The following PTPRM variants were observed in gnomAD, a reference collection of about 807,000 sequenced individuals.
PTPRM encodes receptor-type tyrosine-protein phosphatase mu.
A neutral mutation model predicts 186.7 loss-of-function variants in PTPRM; 47 were observed. That is an observed-to-expected ratio of 0.25 (90% CI 0.20 to 0.32). The LOEUF (loss-of-function observed/expected upper bound fraction) is 0.32. PTPRM is among the 10% of genes least tolerant of loss of function. The pLI is 1.00. For synonymous variants in PTPRM, 668 were observed against 674.9 expected, an observed-to-expected ratio of 0.99 and a Z score of 0.16; for missense variants, 1,494 against 1,865.0, an observed-to-expected ratio of 0.80 and a Z score of 3.66.
At chr18:8,106,019 G>T (rs1419529754) in intron 11 of PTPRM, among the ~76,000 whole-genome samples, 1 of 152,124 alleles carries the variant, frequency 6.6e-6, no homozygotes, top group Non-Finnish European at 1.5e-5. Context: ...TTCTTTCCCG[G>T]CCCACCCTCA....
intron 2 of PTPRM, among the ~76,000 whole-genome samples, chr18:7,803,255 G>T (rs551247939): frequency 1.7e-4 from 26 of 152,326 alleles, no homozygotes; most frequent in Admixed American, 1.4e-3. Context: ...GGTTGGCAGG[G>T]CTGCATTGCT....
At chr18:7,676,461 A>G (rs1223214579) in intron 1 of PTPRM, among the ~76,000 whole-genome samples, 1 of 152,150 alleles carries the variant, frequency 6.6e-6, no homozygotes. Flanking sequence ...ACAGCTGTAA[A>G]GGAGCAGCAT....
At chr18:8,340,489 T>C (rs1360809706) in intron 22 of PTPRM, among the ~76,000 whole-genome samples, 1 of 152,232 alleles carries the variant, frequency 6.6e-6, no homozygotes, top group African/African-American at 2.4e-5. Flanking sequence ...ACACCCTTTA[T>C]TTTAAAGACA....
chr18:8,263,757 C>A (rs1457314397), intron 19 of PTPRM, among the ~76,000 whole-genome samples: 1 of 152,180 alleles, frequency 6.6e-6, no homozygotes, highest in Admixed American at 6.5e-5. Context: ...AGCTTCTGGG[C>A]TGCTGAATAT....
intron 14 of PTPRM, among the ~76,000 whole-genome samples, chr18:8,160,205 T>G (rs1473666019): frequency 1.3e-5 from 2 of 152,184 alleles, no homozygotes; most frequent in Non-Finnish European, 2.9e-5. Flanking sequence ...ACAAGTCCTT[T>G]GTTCAAAAAA....
chr18:7,977,894 G>T (rs2055064966), intron 7 of PTPRM, among the ~76,000 whole-genome samples: 1 of 152,124 alleles, frequency 6.6e-6, no homozygotes, highest in Non-Finnish European at 1.5e-5. Flanking sequence ...TTAAGTCTCA[G>T]ACTCCTCACA....
intron 1 of PTPRM, among the ~76,000 whole-genome samples, chr18:7,615,906 G>T (rs888402472): frequency 6.6e-6 from 1 of 152,140 alleles, no homozygotes; most frequent in Non-Finnish European, 1.5e-5. Context: ...TCAGGGATTA[G>T]ATTCTCATTA....
At chr18:7,848,437 T>C (rs1462137973) in intron 2 of PTPRM, among the ~76,000 whole-genome samples, 3 of 152,212 alleles carry the variant, frequency 2.0e-5, no homozygotes, top group Non-Finnish European at 2.9e-5. Flanking sequence ...TCATTTAGTG[T>C]CTTCATTTTC....
At chr18:7,935,188 ACTTAGCATTCCAGAAAATACTAG>A (rs1422329611) in intron 5 of PTPRM, among the ~76,000 whole-genome samples, 3 of 152,198 alleles carry the variant, frequency 2.0e-5, no homozygotes, top group Admixed American at 6.5e-5. Context: ...ATTTAACATC[ACTTAGCATTCCAGAAAATACTAG>A]AAATGCATAA....
intron 4 of PTPRM, among the ~76,000 whole-genome samples, chr18:7,925,352 T>G (rs1160348496): frequency 6.6e-6 from 1 of 152,184 alleles, no homozygotes; most frequent in Non-Finnish European, 1.5e-5. Flanking sequence ...CATGAATACT[T>G]TGTCTGAATT....
chr18:7,732,269 C>T (rs1438071449), intron 1 of PTPRM, among the ~76,000 whole-genome samples: 7 of 152,040 alleles, frequency 4.6e-5, no homozygotes, highest in African/African-American at 7.2e-5. Context: ...AACAGTAGGG[C>T]GAGGGGAAGG....
intron 9 of PTPRM, among the ~76,000 whole-genome samples, chr18:8,083,666 C>T (rs1250053060): frequency 1.3e-5 from 2 of 152,122 alleles, no homozygotes; most frequent in Admixed American, 6.6e-5. Flanking sequence ...TGAAACAGGG[C>T]GTGTATTTAC....
chr18:7,903,458 T>C (rs1405851843), intron 3 of PTPRM, among the ~76,000 whole-genome samples: 2 of 152,176 alleles, frequency 1.3e-5, no homozygotes, highest in African/African-American at 4.8e-5. Flanking sequence ...GATGTGACTG[T>C]TATTGAGGGG....
intron 1 of PTPRM, among the ~76,000 whole-genome samples, chr18:7,744,442 T>C (rs1352732427): frequency 1.3e-5 from 2 of 152,156 alleles, no homozygotes; most frequent in African/African-American, 4.8e-5. Context: ...GAGAAGGTCT[T>C]ATATAAAAGT....
chr18:7,671,213 A>T (rs558112833), intron 1 of PTPRM, among the ~76,000 whole-genome samples: 2 of 152,292 alleles, frequency 1.3e-5, no homozygotes, highest in Admixed American at 1.3e-4. Context: ...TTATATACAC[A>T]CCAGCTAAAT....
At chr18:8,169,823 T>TC (rs2093372944) in intron 14 of PTPRM, among the ~76,000 whole-genome samples, 2 of 152,190 alleles carry the variant, frequency 1.3e-5, no homozygotes, top group South Asian at 4.1e-4. Context: ...CATTTTTTCT[T>TC]CTGTAAGTAC....
At chr18:7,584,655 C>G (rs1292005943) in intron 1 of PTPRM, among the ~76,000 whole-genome samples, 1 of 152,038 alleles carries the variant, frequency 6.6e-6, no homozygotes, top group East Asian at 1.9e-4. Flanking sequence ...TCTCTCATGC[C>G]TCAGTTCTAT....
chr18:8,150,250 G>A (rs1222162153), intron 14 of PTPRM, among the ~76,000 whole-genome samples: 1 of 152,170 alleles, frequency 6.6e-6, no homozygotes, highest in Admixed American at 6.5e-5. Context: ...TTCCAACTTG[G>A]TTCCATTCTC....
intron 1 of PTPRM, among the ~76,000 whole-genome samples, chr18:7,762,975 G>A (rs920865457): frequency 6.6e-6 from 1 of 152,130 alleles, no homozygotes; most frequent in Non-Finnish European, 1.5e-5. Context: ...TGGGAGTTAG[G>A]TGATAGATAT....
Sources: gnomAD v4.1 joint callset for allele counts (sites outside exome capture counted in the v4.1 genomes callset) on GRCh38, gnomAD v4.1.1 for gene constraint, MANE v1.5 for transcripts, NCBI Gene and HGNC (gene_info 2026-07-23, HGNC 2026-07-21) for gene names.